ABTB3: variants seen among roughly 807,000 people sequenced by gnomAD.
ABTB3 encodes the protein ankyrin repeat and BTB domain containing 3, also known as ankyrin repeat- and BTB/POZ domain-containing protein 3.
the ABTB3 span, among the ~76,000 whole-genome samples, chr12:107,430,497 G>C: frequency 2.0e-5 from 3 of 152,096 alleles, no homozygotes; most frequent in Non-Finnish European, 2.9e-5. Context: ...CACACTCTTG[G>C]CTTTCAAGGT....
the ABTB3 span, among the ~76,000 whole-genome samples, chr12:107,615,361 G>T: frequency 6.6e-6 from 1 of 152,212 alleles, no homozygotes; most frequent in Non-Finnish European, 1.5e-5. Flanking sequence ...AATATGAAAT[G>T]ATCACATATC....
the ABTB3 span, among the ~76,000 whole-genome samples, chr12:107,552,791 C>T: frequency 6.6e-6 from 1 of 152,208 alleles, no homozygotes; most frequent in Non-Finnish European, 1.5e-5. Context: ...GTGCCATCCT[C>T]TAGCTACCTC....
chr12:107,560,809 A>G, the ABTB3 span, among the ~76,000 whole-genome samples: 1 of 152,192 alleles, frequency 6.6e-6, no homozygotes, highest in African/African-American at 2.4e-5. Context: ...TTGCACGTGC[A>G]CTTGGCCAAG....
At chr12:107,611,240 C>A in the ABTB3 span, among the ~76,000 whole-genome samples, 1 of 151,850 alleles carries the variant, frequency 6.6e-6, no homozygotes, top group Admixed American at 6.6e-5. Context: ...GAGATGAGAT[C>A]CCATTATGTT....
chr12:107,577,729 C>T, the ABTB3 span, among the ~76,000 whole-genome samples: 4 of 152,122 alleles, frequency 2.6e-5, no homozygotes, highest in African/African-American at 9.7e-5. Context: ...TCTCAGGCCA[C>T]GTGGTTGGGG....
the ABTB3 span, among the ~76,000 whole-genome samples, chr12:107,357,960 T>TTTCC: frequency 1.3e-5 from 2 of 152,222 alleles, no homozygotes; most frequent in African/African-American, 4.8e-5. Context: ...AAATTCCATC[T>TTTCC]TTCCTTCCTT....
At chr12:107,652,296 C>A in the ABTB3 span, among the ~76,000 whole-genome samples, 1 of 152,232 alleles carries the variant, frequency 6.6e-6, no homozygotes, top group Non-Finnish European at 1.5e-5. Flanking sequence ...TGCCCTCCAG[C>A]TGATTCTGAT....
the ABTB3 span, among the ~76,000 whole-genome samples, chr12:107,644,149 T>C: frequency 6.6e-6 from 1 of 152,222 alleles, no homozygotes. Flanking sequence ...TAGTTAGCGA[T>C]AGAGCCAGGA....
the ABTB3 span, among the ~76,000 whole-genome samples, chr12:107,490,013 A>G: frequency 6.6e-6 from 1 of 151,360 alleles, no homozygotes; most frequent in African/African-American, 2.4e-5. Flanking sequence ...ATATAGTTAG[A>G]AAAAAAAATA....
chr12:107,336,545 A>G, the ABTB3 span, among the ~76,000 whole-genome samples: 1 of 152,224 alleles, frequency 6.6e-6, no homozygotes. Flanking sequence ...GACGTCTATA[A>G]GCACTTAGTG....
At chr12:107,480,708 G>A in the ABTB3 span, among the ~76,000 whole-genome samples, 18 of 152,306 alleles carry the variant, frequency 1.2e-4, no homozygotes, top group African/African-American at 4.3e-4. Context: ...AACGATGTGT[G>A]TGTGTGTGTG....
At chr12:107,557,738 T>G in the ABTB3 span, among the ~76,000 whole-genome samples, 1 of 152,204 alleles carries the variant, frequency 6.6e-6, no homozygotes, top group African/African-American at 2.4e-5. Context: ...CCATGAGGTA[T>G]GTATTATTAT....
the ABTB3 span, among the ~76,000 whole-genome samples, chr12:107,492,819 A>G: frequency 6.6e-6 from 1 of 152,280 alleles, no homozygotes; most frequent in East Asian, 1.9e-4. Flanking sequence ...ACCTAGTGCC[A>G]CTTGTCTGCC....
At chr12:107,362,002 A>G in the ABTB3 span, among the ~76,000 whole-genome samples, 1 of 152,188 alleles carries the variant, frequency 6.6e-6, no homozygotes, top group African/African-American at 2.4e-5. Flanking sequence ...TGAATCAGAA[A>G]AGAAGCCCTC....
At chr12:107,403,614 C>A in the ABTB3 span, among the ~76,000 whole-genome samples, 13 of 152,112 alleles carry the variant, frequency 8.5e-5, no homozygotes, top group Admixed American at 2.6e-4. Context: ...TTCACCTTAT[C>A]CTTGACAAAA....
chr12:107,516,228 CTT>C, the ABTB3 span, among the ~76,000 whole-genome samples: 12 of 148,580 alleles, frequency 8.1e-5, no homozygotes, highest in African/African-American at 1.5e-4. Flanking sequence ...ATCCATTATT[CTT>C]TTTTTTTTTA....
chr12:107,397,444 A>G, the ABTB3 span, among the ~76,000 whole-genome samples: 1 of 151,404 alleles, frequency 6.6e-6, no homozygotes, highest in Non-Finnish European at 1.5e-5. Flanking sequence ...TTCTTTACCT[A>G]TTATTTTTTT....
chr12:107,470,904 A>G, the ABTB3 span, among the ~76,000 whole-genome samples: 7 of 152,300 alleles, frequency 4.6e-5, no homozygotes, highest in South Asian at 1.5e-3. Context: ...TCTTGGGCCA[A>G]TCTGGGGGTG....
the ABTB3 span, among the ~76,000 whole-genome samples, chr12:107,544,647 C>T: frequency 4.2e-3 from 640 of 152,250 alleles, 7 homozygotes; most frequent in African/African-American, 0.014. Context: ...GGAGAGGACC[C>T]GGAGGCTGCC....
Sources: gnomAD v4.1 joint callset for allele counts (sites outside exome capture counted in the v4.1 genomes callset) on GRCh38, gnomAD v4.1.1 for gene constraint, MANE v1.5 for transcripts, NCBI Gene and HGNC (gene_info 2026-07-23, HGNC 2026-07-21) for gene names.